Variants in RMC1 observed in about 807,000 individuals in gnomAD.
RMC1 encodes the protein regulator of MON1-CCZ1 complex.
Under a neutral mutation model 95.5 loss-of-function variants are expected in RMC1, and 44 were observed. The observed-to-expected ratio is 0.46, with a 90% confidence interval of 0.36 to 0.59. The LOEUF is 0.59. Ranked by LOEUF, RMC1 falls within the 20% of genes least tolerant of loss-of-function variation. The pLI, the probability that RMC1 is intolerant of heterozygous loss-of-function variation, is 0.00. For missense variants in RMC1, 705 were observed against 819.6 expected (o/e 0.86, Z 1.71); for synonymous variants, 320 against 303.6 (o/e 1.05, Z -0.56).
Position 23,526,775 on chromosome 18 carries a change from A to C in RMC1, c.1189+10A>C, listed in dbSNP as rs772307557. The C allele has an allele frequency of 3.7e-6, 6 of 1,613,288 alleles. No homozygotes were observed. Among genetic ancestry groups the C allele is most frequent in the Non-Finnish European group, 5.1e-6 (6 of 1,179,642 alleles). ...TCTGTCTGTTCACAGAGTAAGTTGA[A>C]TCCTTCCCCCTTGCTCTGATTCCAG... On this transcript the variant is annotated intron_variant, in intron 13 of 19. Coordinates refer to ENST00000269221, the MANE Select transcript of RMC1 (RefSeq NM_013326.5).
intron 5 of RMC1, among the ~76,000 whole-genome samples, chr18:23,513,306 C>T (rs1220852039): frequency 6.6e-6 from 1 of 152,150 alleles, no homozygotes; most frequent in Non-Finnish European, 1.5e-5. Flanking sequence ...AGTATTTGTC[C>T]CTTTGTGACT....
chr18:23,508,631 A>G (rs1168003235), intron 4 of RMC1: 1 of 152,198 alleles, frequency 6.6e-6, no homozygotes, highest in Non-Finnish European at 1.5e-5. Flanking sequence ...CATTTTTGTG[A>G]CTGTTTTGCT....
intron 7 of RMC1, among the ~76,000 whole-genome samples, chr18:23,518,253 G>C (rs2058059744): frequency 6.6e-6 from 1 of 152,214 alleles, no homozygotes; most frequent in Admixed American, 6.5e-5. Flanking sequence ...GACTGGGGAG[G>C]CCAAGGCAGG....
Position 23,531,706 on chromosome 18 carries a change from A to G in RMC1, c.*2A>G. The stretch of plus-strand genomic sequence containing the variant: ...CTAATGAGGCCTACAACATTCTGAA[A>G]TCACTTGCTGTTTTTTTATATAAAA... On this transcript the variant is annotated 3_prime_UTR_variant, in exon 20 of 20. Transcript: ENST00000269221. The G allele has an allele frequency of 6.2e-7, 1 of 1,603,320 alleles. No homozygotes were observed. The highest frequency in any genetic ancestry group is 8.5e-7 in the Non-Finnish European group (1 of 1,177,554).
At chr18:23,525,724 A>G (rs965215052) in intron 12 of RMC1, among the ~76,000 whole-genome samples, 3 of 152,056 alleles carry the variant, frequency 2.0e-5, no homozygotes, top group African/African-American at 2.4e-5. Flanking sequence ...CAGCCGGCCT[A>G]TAATTTTTTT....
intron 2 of RMC1, 125 bp from the exon 3 acceptor site, chr18:23,506,845 A>G: frequency 4.3e-6 from 3 of 700,274 alleles, no homozygotes; most frequent in Non-Finnish European, 7.5e-6. Flanking sequence ...CTTCCGAAAC[A>G]TAATTTTAAT....
Position 23,530,582 on chromosome 18 carries a change from C to T in RMC1, c.1864C>T (p.Arg622Cys), listed in dbSNP as rs2058463219. Reference sequence around the variant, plus strand: ...CCGCTTTTTTGAACAGCGAAACCAGCGTTTGCGAGGGAGCCCCAATTTCAC... The same window carrying T: ...CCGCTTTTTTGAACAGCGAAACCAGTGTTTGCGAGGGAGCCCCAATTTCAC... ...IFRFFEQRNQRLRGSPNFTPG... is the reference protein window; with the variant it reads ...IFRFFEQRNQCLRGSPNFTPG... The change falls in exon 19 of 20, where the codon CGT (arginine) becomes TGT (cysteine). Residue 622 changes from arginine to cysteine, a missense_variant. By Grantham distance (180) the Arg-to-Cys change is radical. Coordinates refer to ENST00000269221, the MANE Select transcript of RMC1 (RefSeq NM_013326.5). 6 of 1,613,956 alleles carry T rather than the reference C, an allele frequency of 3.7e-6. No homozygotes were observed. The highest frequency in any genetic ancestry group is 5.1e-6 in the Non-Finnish European group (6 of 1,179,856).
At chr18:23,528,366 A>G (rs568810215) in intron 14 of RMC1, 1 of 156,444 alleles carries the variant, frequency 6.4e-6, no homozygotes, top group East Asian at 1.9e-4. Context: ...GCGTGTTTGT[A>G]GTCAAGGTAA....
chr18:23,521,346 G>A (rs188410036), intron 10 of RMC1, among the ~76,000 whole-genome samples: 42 of 152,316 alleles, frequency 2.8e-4, no homozygotes, highest in East Asian at 1.2e-3. Context: ...GAATACACCC[G>A]TAACGTTTTC....
At position 23,530,402 on chromosome 18, in the gene RMC1, AATG is replaced by A; in HGVS notation, c.1689_1691del (p.Asp563del). On this transcript the variant is annotated inframe_deletion, in exon 19 of 20. Coordinates refer to ENST00000269221, the MANE Select transcript of RMC1 (RefSeq NM_013326.5). ...TTACTGCTAGCGACTTTCAACAGCAAATGATGAAATAGTAGAAGTTCTCCTTTC... is the reference window on the plus strand; with the variant it reads ...TTACTGCTAGCGACTTTCAACAGCAAATGAAATAGTAGAAGTTCTCCTTTC... 6.2e-7 allele frequency: 1 copy of A among 1,614,208 alleles called. No individual in the cohort carries two copies. Among genetic ancestry groups the A allele is most frequent in the Non-Finnish European group, 8.5e-7 (1 of 1,180,030 alleles).
chr18:23,513,500 A>G, intron 5 of RMC1, among the ~76,000 whole-genome samples: 1 of 152,378 alleles, frequency 6.6e-6, no homozygotes. Flanking sequence ...TGCTGCTGTC[A>G]ATACAGGTAT....
At chr18:23,526,994 T>C (rs1319974243) in intron 13 of RMC1, among the ~76,000 whole-genome samples, 2 of 152,120 alleles carry the variant, frequency 1.3e-5, no homozygotes, top group African/African-American at 4.8e-5. Context: ...TGAATGAAAG[T>C]GGGCACACAG....
At chr18:23,527,438 T>C (rs2058336999) in intron 13 of RMC1, among the ~76,000 whole-genome samples, 1 of 151,730 alleles carries the variant, frequency 6.6e-6, no homozygotes, top group African/African-American at 2.4e-5. Flanking sequence ...CAATATGTGC[T>C]GTTGGTGTTT....
intron 5 of RMC1, among the ~76,000 whole-genome samples, chr18:23,514,273 T>C (rs1459762671): frequency 6.6e-6 from 1 of 152,250 alleles, no homozygotes; most frequent in Non-Finnish European, 1.5e-5. Flanking sequence ...CCTAGCACTT[T>C]GGGAGGCCGA....
Position 23,518,929 on chromosome 18 carries a change from T to A in RMC1, c.693T>A (p.Ser231=). Reference sequence around the variant, plus strand: ...ATGTTCTCTTCTTGAGGCATCATTCTCGGACCTCCAACAGCACAGGAGCGG... The same window carrying A: ...ATGTTCTCTTCTTGAGGCATCATTCACGGACCTCCAACAGCACAGGAGCGG... ...QLYVLFLRHH[S]RTSNSTGAEV... is the part of the protein sequence containing the mutation. Residue 231 remains serine, a synonymous_variant, in exon 8 of 20, where the codon TCT becomes TCA. Coordinates refer to ENST00000269221, the MANE Select transcript of RMC1 (RefSeq NM_013326.5). The A allele has an allele frequency of 6.2e-7, 1 of 1,614,212 alleles. No homozygotes were observed. The highest frequency in any genetic ancestry group is 8.5e-7 in the Non-Finnish European group (1 of 1,180,020).
In RMC1 at chr18:23,529,195, A is replaced by G. The variant is rs1162482753; in HGVS notation, c.1313A>G (p.Gln438Arg). 6.2e-7 allele frequency: 1 copy of G among 1,613,580 alleles called. No homozygotes were observed. Among genetic ancestry groups the G allele is most frequent in the East Asian group, 2.2e-5 (1 of 44,888 alleles). ...TTCTTTCAGGCGGTGGAAGCAGGGC[A>G]GAGCCGAAGCAGCCCGCTCCTCAAG... ...QSYAMAVEAG[Q>R]SRSSPLLKRP... Residue 438 changes from glutamine to arginine, a missense_variant, in exon 15 of 20, where the codon CAG (glutamine) becomes CGG (arginine). Coordinates refer to ENST00000269221, the MANE Select transcript of RMC1 (RefSeq NM_013326.5).
chr18:23,511,372 G>A (rs531843785), intron 5 of RMC1, among the ~76,000 whole-genome samples: 2 of 152,244 alleles, frequency 1.3e-5, no homozygotes, highest in South Asian at 4.1e-4. Context: ...TAACTATTGG[G>A]TACTGGACTT....
intron 12 of RMC1, among the ~76,000 whole-genome samples, chr18:23,525,645 G>A (rs565799137): frequency 2.0e-5 from 3 of 151,866 alleles, no homozygotes; most frequent in Non-Finnish European, 4.4e-5. Flanking sequence ...GGATGGTCTC[G>A]ATCTCCTGAC....
At chr18:23,522,553 T>G (rs1160009747) in intron 10 of RMC1, 1 of 152,432 alleles carries the variant, frequency 6.6e-6, no homozygotes, top group East Asian at 1.9e-4. Flanking sequence ...CCATTCTTCT[T>G]CTTCCTCTTA....
Sources: gnomAD v4.1 joint callset for allele counts (sites outside exome capture counted in the v4.1 genomes callset) on GRCh38, gnomAD v4.1.1 for gene constraint, MANE v1.5 for transcripts, NCBI Gene and HGNC (gene_info 2026-07-23, HGNC 2026-07-21) for gene names.